The following CCDC91 variants were observed in gnomAD, a reference collection of about 807,000 sequenced individuals.
CCDC91 encodes the protein coiled-coil domain-containing protein 91.
A neutral mutation model predicts 63.2 loss-of-function variants in CCDC91; 48 were observed. The ratio of observed to expected loss-of-function variants is 0.76; its 90% CI spans 0.60 to 0.97. The LOEUF (loss-of-function observed/expected upper bound fraction) is 0.97, where lower values mean the gene tolerates loss of function less well. CCDC91 is among the 50% of genes least tolerant of loss of function. The pLI, the probability that CCDC91 is intolerant of heterozygous loss-of-function variation, is 0.00. For synonymous variants in CCDC91, 167 were observed against 165.8 expected (o/e 1.01, Z -0.06); for missense variants, 500 against 494.6 (o/e 1.01, Z -0.10).
chr12:28,223,030 A>T (rs116310689), intron 1 of CCDC91, among the ~76,000 whole-genome samples: 2,268 of 152,300 alleles, frequency 0.015, 69 homozygotes, highest in African/African-American at 0.052. Context: ...GCAGGGTCTG[A>T]CAAGGTGAGC....
intron 1 of CCDC91, among the ~76,000 whole-genome samples, chr12:28,199,450 C>T (rs756716376): frequency 2.0e-4 from 30 of 152,088 alleles, no homozygotes; most frequent in Non-Finnish European, 3.8e-4. Context: ...ATGCAGCTGT[C>T]TTTTCAATCA....
At chr12:28,430,918 A>G (rs764221393) in intron 8 of CCDC91, among the ~76,000 whole-genome samples, 4 of 152,102 alleles carry the variant, frequency 2.6e-5, no homozygotes, top group Non-Finnish European at 4.4e-5. Context: ...TATATAGAGA[A>G]ATGCTCTGCC....
At chr12:28,428,508 G>T (rs1236986277) in intron 8 of CCDC91, among the ~76,000 whole-genome samples, 1 of 144,026 alleles carries the variant, frequency 6.9e-6, no homozygotes, top group African/African-American at 2.7e-5. Flanking sequence ...GGCGGAGGTT[G>T]CAGTGAGCTG....
chr12:28,334,812 C>T (rs1941801275), intron 6 of CCDC91, among the ~76,000 whole-genome samples: 2 of 151,958 alleles, frequency 1.3e-5, no homozygotes, highest in Non-Finnish European at 1.5e-5. Context: ...ACCAAACCAA[C>T]CAAACATAAC....
chr12:28,485,981 G>A (rs1951704357), intron 12 of CCDC91, among the ~76,000 whole-genome samples: 1 of 152,058 alleles, frequency 6.6e-6, no homozygotes, highest in Admixed American at 6.6e-5. Flanking sequence ...TTTATTTTAT[G>A]TTAGTAAGAA....
At chr12:28,280,388 A>G (rs189798119) in intron 3 of CCDC91, among the ~76,000 whole-genome samples, 399 of 152,002 alleles carry the variant, frequency 2.6e-3, no homozygotes, top group Middle Eastern at 0.017. Flanking sequence ...TGGATTTACC[A>G]TCTGAGTGTG....
At chr12:28,341,337 G>T (rs1315547622) in intron 6 of CCDC91, among the ~76,000 whole-genome samples, 3 of 152,122 alleles carry the variant, frequency 2.0e-5, no homozygotes, top group Admixed American at 1.3e-4. Flanking sequence ...ACAGGTCTGG[G>T]GGTGGAGCCC....
intron 11 of CCDC91, among the ~76,000 whole-genome samples, chr12:28,461,715 A>G (rs527669874): frequency 2.6e-5 from 4 of 152,070 alleles, no homozygotes; most frequent in South Asian, 2.1e-4. Flanking sequence ...TTTATATTCT[A>G]TTTCATTTAG....
chr12:28,413,308 T>C lies in CCDC91; in HGVS notation c.762+21897T>C, dbSNP rs1947436080. ...CCTGTTGAAGCAGAAGAAAATATTC[T>C]TTCCCCACAGTTCTTAATGGATTTT... On this transcript the variant is annotated intron_variant, in intron 8 of 12. Transcript: ENST00000536442. Among the ~76,000 whole-genome samples the C allele has an allele frequency of 2.0e-5, 3 of 152,154 alleles. No homozygotes were observed. The South Asian group carries it at 6.2e-4, about 32-fold the overall frequency.
chr12:28,371,638 A>T (rs1219043859), intron 7 of CCDC91, among the ~76,000 whole-genome samples: 1 of 152,222 alleles, frequency 6.6e-6, no homozygotes, highest in Non-Finnish European at 1.5e-5. Flanking sequence ...TTATGCTGTC[A>T]TTTAAAATTA....
chr12:28,247,283 A>G (rs1321705135), intron 1 of CCDC91, among the ~76,000 whole-genome samples: 3 of 152,128 alleles, frequency 2.0e-5, no homozygotes, highest in African/African-American at 4.8e-5. Flanking sequence ...GATTGAGACC[A>G]TCCTGGCTAA....
At chr12:28,237,104 C>T (rs1460985619) in intron 1 of CCDC91, among the ~76,000 whole-genome samples, 1 of 151,958 alleles carries the variant, frequency 6.6e-6, no homozygotes, top group Admixed American at 6.6e-5. Context: ...TTGTGTATCT[C>T]ATATTATATT....
chr12:28,270,177 A>C (rs1453569044), intron 3 of CCDC91, among the ~76,000 whole-genome samples: 5 of 152,080 alleles, frequency 3.3e-5, no homozygotes, highest in African/African-American at 1.2e-4. Flanking sequence ...ACCTCCTCAG[A>C]TAGATTGTTT....
At chr12:28,543,252 A>G (rs1044509482) in intron 12 of CCDC91, among the ~76,000 whole-genome samples, 1 of 152,030 alleles carries the variant, frequency 6.6e-6, no homozygotes, top group Non-Finnish European at 1.5e-5. Context: ...TCACATTCAC[A>G]AGTGTGGGGG....
At chr12:28,313,142 G>A (rs1443403043) in intron 6 of CCDC91, among the ~76,000 whole-genome samples, 1 of 151,768 alleles carries the variant, frequency 6.6e-6, no homozygotes, top group Non-Finnish European at 1.5e-5. Flanking sequence ...TCTTTTAAAT[G>A]TCTGTGAAGC....
intron 3 of CCDC91, among the ~76,000 whole-genome samples, chr12:28,270,878 A>G (rs568829388): frequency 3.4e-4 from 52 of 152,246 alleles, no homozygotes; most frequent in Admixed American, 3.0e-3. Context: ...CCCATTCAAC[A>G]AATTATTGTA....
At chr12:28,279,302 A>G (rs980808150) in intron 3 of CCDC91, among the ~76,000 whole-genome samples, 1 of 151,974 alleles carries the variant, frequency 6.6e-6, no homozygotes, top group Non-Finnish European at 1.5e-5. Context: ...TTATATTTGT[A>G]TCCTCTTTAA....
chr12:28,268,355 GC>G (rs1314949874), intron 3 of CCDC91, among the ~76,000 whole-genome samples: 1 of 151,972 alleles, frequency 6.6e-6, no homozygotes, highest in African/African-American at 2.4e-5. Flanking sequence ...GAGCCACTGT[GC>G]CCAGCTGGAT....
Position 28,406,199 on chromosome 12 carries a change from T to C in CCDC91, c.762+14788T>C, listed in dbSNP as rs144625841. ...CACAGATCAACCCATCACCTAGGTA[T>C]TAAGCCCAGCATCCATTAGCTATTC... On this transcript the variant is annotated intron_variant, in intron 8 of 12. Coordinates refer to ENST00000536442, the MANE Select transcript of CCDC91 (RefSeq NM_018318.5). Among the ~76,000 whole-genome samples the C allele has an allele frequency of 3.3e-3, 503 of 152,174 alleles. 8 individuals carry two copies. The highest frequency in any genetic ancestry group is 0.011 in the African/African-American group (459 of 41,518).
Sources: gnomAD v4.1 joint callset for allele counts (sites outside exome capture counted in the v4.1 genomes callset) on GRCh38, gnomAD v4.1.1 for gene constraint, MANE v1.5 for transcripts, NCBI Gene and HGNC (gene_info 2026-07-23, HGNC 2026-07-21) for gene names.